SHTN1: variants seen among roughly 807,000 people sequenced by gnomAD.
The protein encoded by SHTN1 is shootin-1.
A neutral mutation model predicts 83.1 loss-of-function variants in SHTN1; 42 were observed. That is an observed-to-expected ratio of 0.51 (90% confidence interval 0.39 to 0.65). The LOEUF (loss-of-function observed/expected upper bound fraction) is 0.65, where lower values mean the gene tolerates loss of function less well. SHTN1 is among the 30% of genes least tolerant of loss of function. SHTN1 has a pLI of 0.00. For missense variants in SHTN1, 622 were observed against 737.8 expected (o/e 0.84, Z 1.82); for synonymous variants, 224 against 247.7 (o/e 0.90, Z 0.90).
Position 117,025,187 on chromosome 10 carries a change from G to A in SHTN1, c.-123+23258C>T, listed in dbSNP as rs993630152. On this transcript the variant is annotated intron_variant, in intron 2 of 17. Coordinates refer to the SHTN1 transcript ENST00000392901. Reference sequence around the variant, plus strand: ...CTGGAGAGGTAGGAAAAACAGTCTCGAATCACTAATGCCACCCCTCACCCA... The same window carrying A: ...CTGGAGAGGTAGGAAAAACAGTCTCAAATCACTAATGCCACCCCTCACCCA... Among the ~76,000 whole-genome samples the A allele has an allele frequency of 3.3e-5, 5 of 152,280 alleles. No homozygotes were observed. In the South Asian group the frequency reaches 1.0e-3, roughly 32 times the overall value.
intron 1 of SHTN1, among the ~76,000 whole-genome samples, chr10:117,090,752 CAG>C (rs1853417984): frequency 9.0e-6 from 1 of 110,574 alleles, no homozygotes; most frequent in African/African-American, 3.5e-5. Context: ...TTTGTGAAAA[CAG>C]AAGGAAGGAA....
intron 3 of SHTN1, among the ~76,000 whole-genome samples, chr10:116,963,614 G>A (rs1850284056): frequency 6.6e-6 from 1 of 152,042 alleles, no homozygotes; most frequent in Non-Finnish European, 1.5e-5. Flanking sequence ...AATATTTCCA[G>A]GCAGTAAACA....
intron 1 of SHTN1, among the ~76,000 whole-genome samples, chr10:117,058,013 T>C (rs1226393331): frequency 3.3e-5 from 5 of 152,100 alleles, no homozygotes; most frequent in Admixed American, 3.3e-4. Context: ...CCTAACACCA[T>C]ATACAAAAAT....
intron 1 of SHTN1, among the ~76,000 whole-genome samples, chr10:117,065,834 AAGG>A (rs1852988152): frequency 1.4e-5 from 1 of 73,054 alleles, no homozygotes; most frequent in Non-Finnish European, 2.7e-5. Context: ...GGAAGGAAGG[AAGG>A]AAGGAAGGAA....
At chr10:116,944,238 C>T (rs1416083962) in intron 8 of SHTN1, among the ~76,000 whole-genome samples, 1 of 152,214 alleles carries the variant, frequency 6.6e-6, no homozygotes, top group Non-Finnish European at 1.5e-5. Context: ...GACTTTCCAT[C>T]ACAAGTCATG....
intron 2 of SHTN1, among the ~76,000 whole-genome samples, chr10:117,027,946 A>C (rs1464023683): frequency 1.3e-5 from 2 of 152,214 alleles, no homozygotes; most frequent in Non-Finnish European, 2.9e-5. Flanking sequence ...GAGGGCTCAG[A>C]AGAAGACAGG....
At chr10:116,925,705 C>A (rs994725040) in intron 11 of SHTN1, among the ~76,000 whole-genome samples, 4 of 152,174 alleles carry the variant, frequency 2.6e-5, no homozygotes, top group African/African-American at 9.7e-5. Context: ...CTGCATAGAA[C>A]CTGTCCTACT....
At chr10:117,085,131 T>G (rs1029814306) in intron 1 of SHTN1, among the ~76,000 whole-genome samples, 3 of 152,232 alleles carry the variant, frequency 2.0e-5, no homozygotes, top group African/African-American at 7.2e-5. Context: ...TCTATTGTTT[T>G]CCTGCTTTCA....
At position 116,886,488 on chromosome 10, in the gene SHTN1, A is replaced by G. The variant is rs1404932240; in HGVS notation, c.1752T>C (p.Pro584=). The part of the protein sequence containing the change: ...KQAEPVVVLD[P]VSTHEPQTKD... ...TGGTTTGGGGTTCATGTGTAGAAAC[A>G]GGATCTAAAACTACAACTGGTTCGG... The change falls in exon 17 of 17, where the codon CCT becomes CCC. Residue 584 remains proline, a synonymous_variant. Transcript: ENST00000355371. The G allele has an allele frequency of 6.2e-7, 1 of 1,614,060 alleles. No individual in the cohort carries two copies. Among genetic ancestry groups the G allele is most frequent in the Non-Finnish European group, 8.5e-7 (1 of 1,180,040 alleles).
intron 8 of SHTN1, among the ~76,000 whole-genome samples, chr10:116,943,679 T>A (rs1849468091): frequency 6.6e-6 from 1 of 152,210 alleles, no homozygotes; most frequent in Non-Finnish European, 1.5e-5. Flanking sequence ...CTAGCACAGC[T>A]ATGCTCAAGC....
At chr10:117,066,807 C>A (rs1056625849) in intron 1 of SHTN1, among the ~76,000 whole-genome samples, 7 of 152,170 alleles carry the variant, frequency 4.6e-5, no homozygotes, top group Non-Finnish European at 1.5e-5. Flanking sequence ...GCATTTGCCT[C>A]ATTTCTGGTA....
intron 2 of SHTN1, among the ~76,000 whole-genome samples, chr10:117,018,866 T>C (rs11528294): frequency 1.7e-4 from 26 of 152,200 alleles, no homozygotes; most frequent in Non-Finnish European, 3.2e-4. Flanking sequence ...CCACTGCGCC[T>C]GGCCTGCACT....
At chr10:117,005,707 A>T, upstream of SHTN1, 3 of 420,748 alleles carry the variant, frequency 7.1e-6, no homozygotes, top group Non-Finnish European at 9.6e-6. Context: ...GGAGACAAGG[A>T]TCGAATCAGG....
intron 4 of SHTN1, among the ~76,000 whole-genome samples, chr10:116,954,981 CA>C (rs1564896415): frequency 6.6e-6 from 1 of 151,706 alleles, no homozygotes; most frequent in African/African-American, 2.4e-5. Context: ...GCTCCTGTCT[CA>C]GAGATTCTAT....
intron 8 of SHTN1, among the ~76,000 whole-genome samples, chr10:116,944,437 T>A (rs1849499252): frequency 1.3e-5 from 2 of 152,228 alleles, no homozygotes; most frequent in South Asian, 4.1e-4. Context: ...AACTAGTAAC[T>A]GACATGGCCA....
rs34054568 is a variant in SHTN1 at position 116,963,973 on chromosome 10, GTT to G, written c.173-3745_173-3744del. Among the ~76,000 whole-genome samples the G allele has an allele frequency of 1.2e-3, 178 of 146,180 alleles. 1 individual carries two copies. The highest frequency in any genetic ancestry group is 4.2e-3 in the African/African-American group (166 of 39,886). ...GTACACATCACATTGTAGGGTAACT[GTT>G]TTTTTTTTTTTTTACTTGTTTTTAT... On this transcript the variant is annotated intron_variant, in intron 3 of 16. Transcript: ENST00000355371.
At chr10:116,950,036 G>A (rs1307502704) in intron 6 of SHTN1, among the ~76,000 whole-genome samples, 2 of 152,192 alleles carry the variant, frequency 1.3e-5, no homozygotes, top group East Asian at 3.8e-4. Context: ...ACCAAGTTCA[G>A]AATAACAGTT....
chr10:116,898,859 T>C (rs534432414), intron 16 of SHTN1, among the ~76,000 whole-genome samples: 38 of 152,314 alleles, frequency 2.5e-4, no homozygotes, highest in African/African-American at 8.7e-4. Context: ...TGCTTTCTTA[T>C]AAGTCCCTAG....
chr10:117,015,551 G>A (rs769569073), intron 2 of SHTN1, among the ~76,000 whole-genome samples: 16 of 152,044 alleles, frequency 1.1e-4, no homozygotes, highest in Non-Finnish European at 2.2e-4. Context: ...GGCTGGTCTC[G>A]AACTTCCAAC....
Sources: gnomAD v4.1 joint callset for allele counts (sites outside exome capture counted in the v4.1 genomes callset) on GRCh38, gnomAD v4.1.1 for gene constraint, MANE v1.5 for transcripts, NCBI Gene and HGNC (gene_info 2026-07-23, HGNC 2026-07-21) for gene names.